PRKN: variants seen among roughly 807,000 people sequenced by gnomAD.
The protein encoded by PRKN is E3 ubiquitin-protein ligase parkin.
PRKN carries 56 observed loss-of-function variants against 59.5 expected under a neutral mutation model. That is an observed-to-expected ratio of 0.94 (90% CI 0.76 to 1.18). PRKN has a LOEUF of 1.18. Among genes scored for constraint, PRKN ranks in the 50% most tolerant of loss-of-function variants. PRKN has a pLI of 0.00. For missense variants in PRKN, 657 were observed against 596.4 expected, an observed-to-expected ratio of 1.10 and a Z score of -1.06; for synonymous variants, 250 against 222.1, an observed-to-expected ratio of 1.13 and a Z score of -1.12.
At chr6:162,003,810 A>C (rs1012681566) in intron 5 of PRKN, among the ~76,000 whole-genome samples, 2 of 152,156 alleles carry the variant, frequency 1.3e-5, no homozygotes, top group Non-Finnish European at 2.9e-5. Flanking sequence ...TATAAAAGTC[A>C]ATTAGGTCCT....
intron 1 of PRKN, among the ~76,000 whole-genome samples, chr6:162,579,398 T>A (rs562998216): frequency 1.3e-5 from 2 of 151,722 alleles, no homozygotes; most frequent in East Asian, 3.9e-4. Context: ...GGACAAAATC[T>A]ACATGCAACA....
intron 9 of PRKN, among the ~76,000 whole-genome samples, chr6:161,387,370 T>C (rs1583005722): frequency 6.6e-6 from 1 of 152,234 alleles, no homozygotes; most frequent in Non-Finnish European, 1.5e-5. Flanking sequence ...CCTGCCACCA[T>C]GTGAAGAAGG....
At chr6:162,228,962 T>C (rs1778304684) in intron 3 of PRKN, among the ~76,000 whole-genome samples, 1 of 152,162 alleles carries the variant, frequency 6.6e-6, no homozygotes, top group East Asian at 1.9e-4. Context: ...GCTGGATCTT[T>C]TGTACACCTC....
chr6:162,156,666 G>A (rs1328948717), intron 4 of PRKN, among the ~76,000 whole-genome samples: 1 of 152,170 alleles, frequency 6.6e-6, no homozygotes, highest in African/African-American at 2.4e-5. Context: ...TTGAGGGTGA[G>A]TCTACCTCTC....
At chr6:161,375,490 AT>A in intron 10 of PRKN, among the ~76,000 whole-genome samples, 1 of 152,290 alleles carries the variant, frequency 6.6e-6, no homozygotes, top group African/African-American at 2.4e-5. Flanking sequence ...CAGTTTTAGC[AT>A]TCAGCCTTAA....
chr6:161,410,552 C>T lies in PRKN; in HGVS notation c.1084-23675G>A, dbSNP rs374700866. 1.6e-4 allele frequency among the ~76,000 whole-genome samples: 24 copies of T among 152,212 alleles called. No homozygotes were observed. In the East Asian group the frequency reaches 3.7e-3, roughly 23 times the overall value. ...CTCCTGGCAGATACTCTAAGGAGCC[C>T]GGGTCTGAGCTGGACACACACAGCA... On this transcript the variant is annotated intron_variant, in intron 9 of 11. Coordinates refer to ENST00000366898, the MANE Select transcript of PRKN (RefSeq NM_004562.3). The surrounding 1 kb of genome is among the most constrained non-coding windows in gnomAD (Gnocchi z 5.3).
Position 161,533,156 on chromosome 6 carries a change from A to G in PRKN, c.1083+15698T>C, listed in dbSNP as rs1373466926. On this transcript the variant is annotated intron_variant, in intron 9 of 11. Transcript: ENST00000366898. This position sits in a 1 kb window ranked among gnomAD's most constrained non-coding sequence, Gnocchi z 4.1. ...TCTAAATAATCTCTAAAATAAAAGA[A>G]TGATCTAAATCTTCCACATCCCTGA... 6.6e-6 allele frequency among the ~76,000 whole-genome samples: 1 copy of G among 152,200 alleles called. No homozygotes were observed. The highest frequency in any genetic ancestry group is 1.5e-5 in the Non-Finnish European group (1 of 68,036).
In PRKN at chr6:161,525,320, G is replaced by A. The variant is rs1171191308; in HGVS notation, c.1083+23534C>T. 6.6e-6 allele frequency among the ~76,000 whole-genome samples: 1 copy of A among 152,132 alleles called. No homozygotes were observed. The highest frequency in any genetic ancestry group is 1.5e-5 in the Non-Finnish European group (1 of 68,024). On this transcript the variant is annotated intron_variant, in intron 9 of 11. Coordinates refer to ENST00000366898, the MANE Select transcript of PRKN (RefSeq NM_004562.3). This position sits in a 1 kb window ranked among gnomAD's most constrained non-coding sequence, Gnocchi z 4.7. ...GGAGTGTCACCTGTCCTGTTCCTGG[G>A]CCTGGAGATGAGGGTCCACCTCTCC...
chr6:161,764,978 C>A (rs1007292265), intron 7 of PRKN, among the ~76,000 whole-genome samples: 1 of 152,212 alleles, frequency 6.6e-6, no homozygotes, highest in Non-Finnish European at 1.5e-5. Flanking sequence ...ACACCAGGTT[C>A]CTTTGCAAAC....
chr6:162,678,128 T>C (rs1779622278), intron 1 of PRKN, among the ~76,000 whole-genome samples: 2 of 152,252 alleles, frequency 1.3e-5, no homozygotes, highest in South Asian at 2.1e-4. Context: ...CTGTTGCATG[T>C]ATCAATAATT....
chr6:162,151,898 AC>A (rs567523665), intron 4 of PRKN, among the ~76,000 whole-genome samples: 23 of 152,328 alleles, frequency 1.5e-4, no homozygotes, highest in African/African-American at 5.5e-4. Context: ...ATTAATTTAC[AC>A]TGATTATTTT....
At chr6:162,358,127 A>G (rs1280531200) in intron 2 of PRKN, among the ~76,000 whole-genome samples, 1 of 152,232 alleles carries the variant, frequency 6.6e-6, no homozygotes, top group East Asian at 1.9e-4. Flanking sequence ...CACAAATGCA[A>G]GATGTGTTAA....
At chr6:162,588,685 G>A (rs1274167457) in intron 1 of PRKN, among the ~76,000 whole-genome samples, 3 of 152,072 alleles carry the variant, frequency 2.0e-5, no homozygotes. Flanking sequence ...CCGAGTAGCT[G>A]GGACTACAGG....
At chr6:161,805,409 C>T (rs1346535515) in intron 6 of PRKN, among the ~76,000 whole-genome samples, 3 of 151,832 alleles carry the variant, frequency 2.0e-5, no homozygotes, top group African/African-American at 4.8e-5. Context: ...ATCGAGGTCC[C>T]GCTAGGGAGC....
rs115252047 is a variant in PRKN, at chr6:162,133,015, G to A, written c.534+68116C>T. On this transcript the variant is annotated intron_variant, in intron 4 of 11. Coordinates refer to ENST00000366898, the MANE Select transcript of PRKN (RefSeq NM_004562.3). ...GTCGGGGCAGCAGAACATGTGCTTG[G>A]AGAGATGGCCACAATCACATCAGGA... Among the ~76,000 whole-genome samples the A allele has an allele frequency of 3.7e-3, 562 of 152,326 alleles. 9 individuals carry two copies. The highest frequency in any genetic ancestry group is 0.013 in the African/African-American group (529 of 41,582).
chr6:161,696,471 G>A (rs1251073681), intron 7 of PRKN, among the ~76,000 whole-genome samples: 2 of 152,206 alleles, frequency 1.3e-5, no homozygotes, highest in African/African-American at 4.8e-5. Context: ...CAACATGCCA[G>A]ATGTCCAGTT....
intron 7 of PRKN, among the ~76,000 whole-genome samples, chr6:161,698,231 A>T (rs1786103257): frequency 6.6e-6 from 1 of 152,172 alleles, no homozygotes; most frequent in South Asian, 2.1e-4. Flanking sequence ...AAATATGCAG[A>T]CAGGCTACAT....
intron 2 of PRKN, among the ~76,000 whole-genome samples, chr6:162,392,550 T>C (rs542011039): frequency 6.6e-6 from 1 of 152,316 alleles, no homozygotes; most frequent in Non-Finnish European, 1.5e-5. Context: ...AAAGATCATG[T>C]ACTGCTATTT....
chr6:162,391,017 A>C lies in PRKN; in HGVS notation c.171+52293T>G, dbSNP rs536375520. On this transcript the variant is annotated intron_variant, in intron 2 of 11. Transcript: ENST00000366898. ...TGAATTTTCTTTAGTCCTAGAAAGA[A>C]GTGTTGTTAGAATTCCAAGGATATT... Among the ~76,000 whole-genome samples the C allele has an allele frequency of 3.3e-5, 5 of 152,316 alleles. No homozygotes were observed. In the South Asian group the frequency reaches 6.2e-4, roughly 19 times the overall value.
Sources: allele counts gnomAD v4.1 joint callset (sites outside exome capture counted in the v4.1 genomes callset), GRCh38; gene constraint gnomAD v4.1.1; non-coding constraint Gnocchi (gnomAD v3.1); transcripts MANE v1.5; gene names NCBI Gene and HGNC (gene_info 2026-07-23, HGNC 2026-07-21).